Variants in LRRC58 observed in about 807,000 individuals in gnomAD.
LRRC58 encodes the protein leucine rich repeat containing 58.
LRRC58 carries 18 observed loss-of-function variants against 30.6 expected under a neutral mutation model. The ratio of observed to expected loss-of-function variants is 0.59; its 90% CI spans 0.41 to 0.87. The LOEUF is 0.87. Ranked by LOEUF, LRRC58 falls within the 40% of genes least tolerant of loss-of-function variation. LRRC58 has a pLI of 0.00. For missense variants in LRRC58, 420 were observed against 468.4 expected (o/e 0.90, Z 0.95); for synonymous variants, 221 against 206.0 (o/e 1.07, Z -0.62).
chr3:120,342,466 C>T (rs920872604), intron 1 of LRRC58, among the ~76,000 whole-genome samples: 2 of 152,092 alleles, frequency 1.3e-5, no homozygotes, highest in African/African-American at 2.4e-5. Context: ...GATGACCTGC[C>T]GGGAGAGAGG....
chr3:120,334,938 G>A lies in LRRC58; in HGVS notation c.831C>T (p.Tyr277=), dbSNP rs1261709450. Residue 277 remains tyrosine, a synonymous_variant, in exon 3 of 4, where the codon TAC becomes TAT. Transcript: ENST00000295628. The part of the protein sequence containing the change: ...ARTIKIRNIS[Y]TPYDLPGNLL... The stretch of plus-strand genomic sequence containing the variant: ...GATTTCCAGGAAGATCATAGGGAGT[G>A]TAGGAAATATTTCGAATCTTAATGG... 1 of 1,613,776 alleles carries A rather than the reference G, an allele frequency of 6.2e-7. No individual in the cohort carries two copies. The highest frequency in any genetic ancestry group is 8.5e-7 in the Non-Finnish European group (1 of 1,179,768).
At chr3:120,346,143 G>C (rs914311029) in intron 1 of LRRC58, among the ~76,000 whole-genome samples, 1 of 152,156 alleles carries the variant, frequency 6.6e-6, no homozygotes, top group Non-Finnish European at 1.5e-5. Flanking sequence ...TGTGGTCGCA[G>C]ATACTTGGGA....
chr3:120,331,230 T>C lies in LRRC58; in HGVS notation c.1086A>G (p.Ala362=). 6.8e-6 allele frequency: 11 copies of C among 1,613,972 alleles called. No individual in the cohort carries two copies. Among genetic ancestry groups the C allele is most frequent in the Non-Finnish European group, 9.3e-6 (11 of 1,179,868 alleles). Residue 362 remains alanine, a synonymous_variant, in exon 4 of 4, where the codon GCA becomes GCG. Transcript: ENST00000295628. ...CAAGAAGAACTTTCTGCATTCTGCG[T>C]GCAGCAACACTAGCTTCATCTTCTG... ...SDSEDEASVA[A]RRMQKVLLG
At chr3:120,339,645 T>C (rs574553598) in intron 1 of LRRC58, among the ~76,000 whole-genome samples, 1 of 152,328 alleles carries the variant, frequency 6.6e-6, no homozygotes, top group East Asian at 1.9e-4. Context: ...AATATTACTA[T>C]TGTTCCTTTG....
chr3:120,334,478 A>C (rs1033387318), intron 3 of LRRC58, among the ~76,000 whole-genome samples: 11 of 151,972 alleles, frequency 7.2e-5, no homozygotes, highest in Admixed American at 7.2e-4. Context: ...ACTGCACTCC[A>C]GCCTGGGCAA....
intron 1 of LRRC58, among the ~76,000 whole-genome samples, chr3:120,345,209 T>G (rs561138856): frequency 6.6e-6 from 1 of 152,342 alleles, no homozygotes; most frequent in South Asian, 2.1e-4. Flanking sequence ...ATGACACCAA[T>G]TAAGCCATAA....
At chr3:120,346,737 G>C (rs910225916) in intron 1 of LRRC58, among the ~76,000 whole-genome samples, 10 of 152,054 alleles carry the variant, frequency 6.6e-5, no homozygotes, top group Non-Finnish European at 1.5e-4. Flanking sequence ...CCATTTCTTA[G>C]CATTTCTCCT....
chr3:120,326,770 A>C lies in LRRC58; in HGVS notation c.*4430T>G, dbSNP rs1212454995. On this transcript the variant is annotated 3_prime_UTR_variant, in exon 4 of 4. Coordinates refer to ENST00000295628, the MANE Select transcript of LRRC58 (RefSeq NM_001099678.2). Reference sequence around the variant, plus strand: ...GCAGCTTAACTAACCTCATATATACATAATATAACCGATAGTTTTGTCTAC... The same window carrying C: ...GCAGCTTAACTAACCTCATATATACCTAATATAACCGATAGTTTTGTCTAC... The C allele has an allele frequency of 6.6e-6, 1 of 152,246 alleles. No homozygotes were observed. Among genetic ancestry groups the C allele is most frequent in the Non-Finnish European group, 1.5e-5 (1 of 68,044 alleles). The allele number at this position is 152,246 out of a possible 1,614,324, so 9.4% of individuals were successfully genotyped here.
In LRRC58 at chr3:120,326,164, ATTTT is replaced by A. The variant is rs143259912; in HGVS notation, c.*5032_*5035del. On this transcript the variant is annotated 3_prime_UTR_variant, in exon 4 of 4. Transcript: ENST00000295628. ...CTATGAAAATACAAAATTGCACGCA[ATTTT>A]TTTTTTATTTTTATTTTTGAGATAG... 6.7e-6 allele frequency: 1 copy of A among 150,050 alleles called. No homozygotes were observed. Among genetic ancestry groups the A allele is most frequent in the African/African-American group, 2.4e-5 (1 of 40,840 alleles). 9.3% of individuals were successfully genotyped at this position (150,050 alleles called of 1,614,324 possible).
chr3:120,341,741 A>G (rs1462580869), intron 1 of LRRC58, among the ~76,000 whole-genome samples: 1 of 150,790 alleles, frequency 6.6e-6, no homozygotes, highest in Non-Finnish European at 1.5e-5. Context: ...AGCTGGGGGG[A>G]GCCCTGCCCT....
chr3:120,331,232 C>A lies in LRRC58; in HGVS notation c.1084G>T (p.Ala362Ser), dbSNP rs1273135568. The A allele has an allele frequency of 1.2e-6, 2 of 1,613,962 alleles. No homozygotes were observed. The highest frequency in any genetic ancestry group is 1.7e-5 in the Admixed American group (1 of 60,024). Residue 362 changes from alanine to serine, a missense_variant, in exon 4 of 4, where the codon GCA (alanine) becomes TCA (serine). Transcript: ENST00000295628. ...SDSEDEASVA[A>S]RRMQKVLLG ...AGAAGAACTTTCTGCATTCTGCGTG[C>A]AGCAACACTAGCTTCATCTTCTGAG... is the stretch of plus-strand genomic sequence containing the variant.
chr3:120,343,706 A>G (rs1413354154), intron 1 of LRRC58, among the ~76,000 whole-genome samples: 1 of 152,204 alleles, frequency 6.6e-6, no homozygotes, highest in African/African-American at 2.4e-5. Flanking sequence ...TGCTTCTCCA[A>G]TCAAATAAAA....
chr3:120,337,314 G>A (rs1447262387), intron 1 of LRRC58, among the ~76,000 whole-genome samples: 1 of 152,038 alleles, frequency 6.6e-6, no homozygotes, highest in Non-Finnish European at 1.5e-5. Context: ...ACTATTTGAT[G>A]GTATAAAAAA....
chr3:120,341,531 C>T (rs1274692198), intron 1 of LRRC58, among the ~76,000 whole-genome samples: 1 of 152,116 alleles, frequency 6.6e-6, no homozygotes, highest in Non-Finnish European at 1.5e-5. Flanking sequence ...TCCCAAAATT[C>T]ATGTTGAAAC....
Position 120,327,456 on chromosome 3 carries a change from G to T in LRRC58, c.*3744C>A, listed in dbSNP as rs1423927498. 1.3e-5 allele frequency: 2 copies of T among 150,718 alleles called. No individual in the cohort carries two copies. Among genetic ancestry groups the T allele is most frequent in the Non-Finnish European group, 3.0e-5 (2 of 67,728 alleles). The allele number at this position is 150,718 out of a possible 1,614,324, so 9.3% of individuals were successfully genotyped here. A position where few individuals can be genotyped will look rare whatever the true frequency, so the allele number is the denominator to read the frequency against. On this transcript the variant is annotated 3_prime_UTR_variant, in exon 4 of 4. Transcript: ENST00000295628. Reference sequence around the variant, plus strand: ...TTTTTAGTAGAGACGGGGTTTCACCGTGTTAGCCAGGATGGTCTCGATCTC... The same window carrying T: ...TTTTTAGTAGAGACGGGGTTTCACCTTGTTAGCCAGGATGGTCTCGATCTC...
rs1462534961 is a variant in LRRC58 at position 120,329,309 on chromosome 3, C to T, written c.*1891G>A. The T allele has an allele frequency of 6.6e-6, 1 of 152,068 alleles. No individual in the cohort carries two copies. The highest frequency in any genetic ancestry group is 1.5e-5 in the Non-Finnish European group (1 of 67,952). The allele number at this position is 152,068 out of a possible 1,614,324, so 9.4% of individuals were successfully genotyped here. On this transcript the variant is annotated 3_prime_UTR_variant, in exon 4 of 4. Coordinates refer to ENST00000295628, the MANE Select transcript of LRRC58 (RefSeq NM_001099678.2). ...CCTAAGTCATCTTTACCTTTCATAA[C>T]TGTACAGTCTGCAGCTTGCTGTGGC...
chr3:120,334,629 TTTATTATC>T (rs1935809489), intron 3 of LRRC58, among the ~76,000 whole-genome samples: 1 of 152,198 alleles, frequency 6.6e-6, no homozygotes, highest in Admixed American at 6.5e-5. Flanking sequence ...ACCATCTTGA[TTTATTATC>T]GTATGTCAAG....
chr3:120,329,846 T>C lies in LRRC58; in HGVS notation c.*1354A>G, dbSNP rs1310768165. The C allele has an allele frequency of 6.6e-6, 1 of 152,068 alleles. No individual in the cohort carries two copies. The highest frequency in any genetic ancestry group is 1.5e-5 in the Non-Finnish European group (1 of 67,924). The allele number at this position is 152,068 out of a possible 1,614,324, so 9.4% of individuals were successfully genotyped here. A position where few individuals can be genotyped will look rare whatever the true frequency, so the allele number is the denominator to read the frequency against. ...TAAGCACTTACTTTATATCAACTTATAGTTGTACTATTATTCAATTTGTAT... is the reference window on the plus strand; with the variant it reads ...TAAGCACTTACTTTATATCAACTTACAGTTGTACTATTATTCAATTTGTAT... On this transcript the variant is annotated 3_prime_UTR_variant, in exon 4 of 4. Transcript: ENST00000295628.
intron 1 of LRRC58, among the ~76,000 whole-genome samples, chr3:120,341,915 G>A (rs115005374): frequency 6.6e-6 from 1 of 152,106 alleles, no homozygotes; most frequent in Non-Finnish European, 1.5e-5. Context: ...TGTGCTCTAG[G>A]GGGAGGGCTG....
Sources: allele counts gnomAD v4.1 joint callset (sites outside exome capture counted in the v4.1 genomes callset), GRCh38; gene constraint gnomAD v4.1.1; transcripts MANE v1.5; gene names NCBI Gene and HGNC (gene_info 2026-07-23, HGNC 2026-07-21).